The following EFNB2 variants were observed in gnomAD, a reference collection of about 807,000 sequenced individuals.
EFNB2 encodes ephrin-B2.
A neutral mutation model predicts 32.1 loss-of-function variants in EFNB2; 5 were observed. The observed-to-expected ratio is 0.16, with a 90% CI of 0.08 to 0.33. The LOEUF (loss-of-function observed/expected upper bound fraction) is 0.33, where lower values mean the gene tolerates loss of function less well. EFNB2 is among the 10% of genes least tolerant of loss of function. The pLI is 1.00. For missense variants in EFNB2, 263 were observed against 422.6 expected (o/e 0.62, Z 3.31); for synonymous variants, 168 against 166.5 (o/e 1.01, Z -0.07).
At chr13:106,501,692 A>G (rs891071285) in intron 2 of EFNB2, among the ~76,000 whole-genome samples, 1 of 151,250 alleles carries the variant, frequency 6.6e-6, no homozygotes, top group East Asian at 1.9e-4. Flanking sequence ...TCCCAGGTTC[A>G]CGCCATTCTC....
chr13:106,523,187 G>A (rs1241470056), intron 1 of EFNB2, among the ~76,000 whole-genome samples: 1 of 152,088 alleles, frequency 6.6e-6, no homozygotes, highest in Non-Finnish European at 1.5e-5. Context: ...AGAAAAGGAA[G>A]AAAAACAAAG....
chr13:106,533,472 G>T (rs1879951963), intron 1 of EFNB2, among the ~76,000 whole-genome samples: 1 of 152,372 alleles, frequency 6.6e-6, no homozygotes, highest in African/African-American at 2.4e-5. Context: ...GCAGAGCTAA[G>T]TAACTTCTCC....
rs140580991 is a variant in EFNB2 at position 106,507,623 on chromosome 13, TA to T, written c.406+4905del. 9.2e-3 allele frequency among the ~76,000 whole-genome samples: 1,373 copies of T among 149,544 alleles called. 23 individuals are homozygous for T. Among genetic ancestry groups the T allele is most frequent in the African/African-American group, 0.029 (1,188 of 40,866 alleles). On this transcript the variant is annotated intron_variant, in intron 2 of 4. Transcript: ENST00000646441. ...CTTTCCAATTTTACATACTCTTTAT[TA>T]AAAAAAAAATAAAAAATAAAAAGCT...
rs576048257 is a variant in EFNB2, at chr13:106,519,823, T to G, written c.123-7011A>C. 3 of 152,338 alleles carry G rather than the reference T, an allele frequency of 2.0e-5. No homozygotes were observed. The East Asian group carries it at 5.8e-4, about 29-fold the overall frequency. 9.4% of individuals were successfully genotyped at this position (152,338 alleles called of 1,614,324 possible). On this transcript the variant is annotated intron_variant, in intron 1 of 4. Coordinates refer to ENST00000646441, the MANE Select transcript of EFNB2 (RefSeq NM_004093.4). ...TAAGATTAAAACATTATTTTTTTAA[T>G]GTAGTTTCAGAAAAACTTTGTGCTA...
chr13:106,532,827 G>GT (rs1185722252), intron 1 of EFNB2, among the ~76,000 whole-genome samples: 2 of 151,636 alleles, frequency 1.3e-5, no homozygotes, highest in African/African-American at 2.4e-5. Flanking sequence ...CAGAATGGGG[G>GT]GGGGGAGTGG....
At position 106,492,870 on chromosome 13, in the gene EFNB2, C is replaced by G. The variant is rs1225879726; in HGVS notation, c.*170G>C. The G allele has an allele frequency of 7.7e-5, 65 of 847,300 alleles. No individual in the cohort carries two copies. The highest frequency in any genetic ancestry group is 1.1e-4 in the Non-Finnish European group (60 of 564,150). 52.5% of individuals were successfully genotyped at this position (847,300 alleles called of 1,614,324 possible). ...GTGTGTTCACCAAGGCCGAATGCTA[C>G]AAGACTAGGTAAGCTGTCCAGCGCG... On this transcript the variant is annotated 3_prime_UTR_variant, in exon 5 of 5. Coordinates refer to ENST00000646441, the MANE Select transcript of EFNB2 (RefSeq NM_004093.4). This position sits in a 1 kb window ranked among gnomAD's most constrained non-coding sequence, Gnocchi z 5.1.
chr13:106,529,437 G>A (rs1879804519), intron 1 of EFNB2, among the ~76,000 whole-genome samples: 1 of 152,120 alleles, frequency 6.6e-6, no homozygotes, highest in Admixed American at 6.5e-5. Context: ...TATAAAAAAG[G>A]CAGTCAATGA....
At chr13:106,505,613 G>T (rs1224789980) in intron 2 of EFNB2, among the ~76,000 whole-genome samples, 1 of 152,130 alleles carries the variant, frequency 6.6e-6, no homozygotes, top group Non-Finnish European at 1.5e-5. Context: ...TGCTTGTCTG[G>T]TCTGTGCATC....
chr13:106,527,996 T>TCC (rs1380026135), intron 1 of EFNB2, among the ~76,000 whole-genome samples: 1 of 152,218 alleles, frequency 6.6e-6, no homozygotes, highest in Non-Finnish European at 1.5e-5. Context: ...TTGCTGGACA[T>TCC]TTATCATGTT....
chr13:106,529,302 C>G (rs1255449837), intron 1 of EFNB2, among the ~76,000 whole-genome samples: 1 of 152,186 alleles, frequency 6.6e-6, no homozygotes, highest in Non-Finnish European at 1.5e-5. Flanking sequence ...ATTAAGGCAA[C>G]GACCGCGAAG....
At chr13:106,510,454 G>A (rs60183068) in intron 2 of EFNB2, among the ~76,000 whole-genome samples, 1,543 of 152,256 alleles carry the variant, frequency 0.01, 12 homozygotes, top group South Asian at 0.016. Context: ...AGCATTCTTC[G>A]TGAAGTCATA....
chr13:106,495,542 C>T (rs1366622784), intron 3 of EFNB2, among the ~76,000 whole-genome samples: 1 of 152,030 alleles, frequency 6.6e-6, no homozygotes, highest in Non-Finnish European at 1.5e-5. Flanking sequence ...AGACATTCTA[C>T]CTTGCTGATC....
chr13:106,490,943 AT>A lies in EFNB2; in HGVS notation c.*2096del, dbSNP rs5806589. 138,435 of 152,370 alleles carry A rather than the reference AT, an allele frequency of 0.91. 63,109 individuals carry two copies. The highest frequency in any genetic ancestry group is 1 in the East Asian group (5,147 of 5,152). 9.4% of individuals were successfully genotyped at this position (152,370 alleles called of 1,614,324 possible). On this transcript the variant is annotated 3_prime_UTR_variant, in exon 5 of 5. Transcript: ENST00000646441. ...GAGAACCTTAAAATGCTGTCGCTAC[AT>A]TTTTTTTCCCTTCCAATTCAGAAAG... is the stretch of plus-strand genomic sequence containing the variant.
At chr13:106,512,400 G>GGC in intron 2 of EFNB2, 129 bp downstream of exon 2, 1 of 598,674 alleles carries the variant, frequency 1.7e-6, no homozygotes, top group Non-Finnish European at 2.4e-6. Context: ...AAAGGGGGGG[G>GGC]GGACAATTTT....
At chr13:106,502,895 G>A (rs1422285994) in intron 2 of EFNB2, among the ~76,000 whole-genome samples, 2 of 152,152 alleles carry the variant, frequency 1.3e-5, no homozygotes, top group East Asian at 1.9e-4. Flanking sequence ...ATGTGTGTGC[G>A]TGCAAGCACA....
rs1457528873 is a variant in EFNB2 at position 106,512,713 on chromosome 13, T to C, written c.222A>G (p.Glu74=). The C allele has an allele frequency of 6.8e-6, 11 of 1,613,748 alleles. No homozygotes were observed. In the Admixed American group the frequency reaches 8.3e-5, roughly 12 times the overall value. Residue 74 remains glutamate, a synonymous_variant, in exon 2 of 5, where the codon GAA becomes GAG. Transcript: ENST00000646441. The part of the protein sequence containing the change: ...KVDSKTVGQY[E]YYKVYMVDKD... ...TATCAACCATATAAACTTTATAATATTCATACTGGCCAACAGTTTTAGAGT... is the reference window on the plus strand; with the variant it reads ...TATCAACCATATAAACTTTATAATACTCATACTGGCCAACAGTTTTAGAGT...
At chr13:106,501,758 C>A (rs1258583802) in intron 2 of EFNB2, among the ~76,000 whole-genome samples, 1 of 151,844 alleles carries the variant, frequency 6.6e-6, no homozygotes, top group Non-Finnish European at 1.5e-5. Context: ...ACACCCGGCT[C>A]ATTTTTTGTA....
At chr13:106,514,166 C>CT (rs548974165) in intron 1 of EFNB2, among the ~76,000 whole-genome samples, 10 of 150,908 alleles carry the variant, frequency 6.6e-5, no homozygotes, top group East Asian at 1.9e-4. Flanking sequence ...AGGATGGTCC[C>CT]TTTTTTTTTA....
At chr13:106,494,741 G>T in intron 4 of EFNB2, 140 bp downstream of exon 4, 1 of 649,392 alleles carries the variant, frequency 1.5e-6, no homozygotes, top group Non-Finnish European at 2.7e-6. Flanking sequence ...ATGACTCACT[G>T]ACAGCAAAGA....
Sources: allele counts gnomAD v4.1 joint callset (sites outside exome capture counted in the v4.1 genomes callset), GRCh38; gene constraint gnomAD v4.1.1; non-coding constraint Gnocchi (gnomAD v3.1); transcripts MANE v1.5; gene names NCBI Gene and HGNC (gene_info 2026-07-23, HGNC 2026-07-21).